CEP112: variants seen among roughly 807,000 people sequenced by gnomAD.
CEP112 encodes centrosomal protein of 112 kDa.
A neutral mutation model predicts 153.0 loss-of-function variants in CEP112; 127 were observed. The ratio of observed to expected loss-of-function variants is 0.83; its 90% confidence interval spans 0.72 to 0.96. CEP112 has a LOEUF of 0.96. Among genes scored for constraint, CEP112 ranks in the 40% least tolerant of loss-of-function variants. The pLI, the probability that CEP112 is intolerant of heterozygous loss-of-function variation, is 0.00. For synonymous variants in CEP112, 358 were observed against 374.4 expected, an observed-to-expected ratio of 0.96 and a Z score of 0.51; for missense variants, 1,089 against 1,101.2, an observed-to-expected ratio of 0.99 and a Z score of 0.16.
chr17:65,740,143 T>C lies in CEP112; in HGVS notation c.2607+2925A>G, dbSNP rs553611026. 1.1e-4 allele frequency among the ~76,000 whole-genome samples: 17 copies of C among 152,298 alleles called. No homozygotes were observed. In the South Asian group the frequency reaches 3.5e-3, roughly 32 times the overall value. On this transcript the variant is annotated intron_variant, in intron 23 of 26. Transcript: ENST00000535342. ...TGGGATGTGCATTTTCACTGAAAAA[T>C]ATCATGTGAACATTTTCAATATCCT...
intron 17 of CEP112, among the ~76,000 whole-genome samples, chr17:65,971,502 T>C (rs1463613456): frequency 1.3e-5 from 2 of 152,148 alleles, no homozygotes; most frequent in Non-Finnish European, 2.9e-5. Context: ...GTCATACATA[T>C]CACACATGCA....
chr17:65,701,241 G>A (rs1000888417), intron 23 of CEP112, among the ~76,000 whole-genome samples: 3 of 152,320 alleles, frequency 2.0e-5, no homozygotes, highest in East Asian at 1.9e-4. Context: ...GTCATGCAAC[G>A]AATGTGCCAG....
intron 19 of CEP112, among the ~76,000 whole-genome samples, chr17:65,911,029 G>C (rs2060264170): frequency 6.6e-6 from 1 of 152,180 alleles, no homozygotes; most frequent in African/African-American, 2.4e-5. Context: ...GGGGAAGAAA[G>C]GATGATCAAA....
intron 20 of CEP112, among the ~76,000 whole-genome samples, chr17:65,877,807 T>A (rs543010638): frequency 7.9e-5 from 12 of 152,306 alleles, no homozygotes; most frequent in Non-Finnish European, 7.4e-5. Flanking sequence ...TTAGTAGGCA[T>A]GAAATTATGT....
At chr17:65,847,896 G>T (rs929400475) in intron 21 of CEP112, among the ~76,000 whole-genome samples, 1 of 152,152 alleles carries the variant, frequency 6.6e-6, no homozygotes. Context: ...CTGGAAGAGG[G>T]TGACAGCAGC....
At chr17:65,852,550 T>A (rs897257430) in intron 20 of CEP112, among the ~76,000 whole-genome samples, 1 of 141,558 alleles carries the variant, frequency 7.1e-6, no homozygotes, top group Non-Finnish European at 1.5e-5. Flanking sequence ...CATTCCTTCC[T>A]AGCTCAGAGG....
At position 65,849,882 on chromosome 17, in the gene CEP112, G is replaced by A. The variant is rs565164471; in HGVS notation, c.2394+1922C>T. Among the ~76,000 whole-genome samples, 7 of 152,168 alleles carry A rather than the reference G, an allele frequency of 4.6e-5. No individual in the cohort carries two copies. The South Asian group carries it at 1.0e-3, about 23-fold the overall frequency. ...ATAAGAATATTTCCTGGCCTGGCGC[G>A]GTGGCTTACGCCTGTAATCCCAGTA... On this transcript the variant is annotated intron_variant, in intron 21 of 26. Coordinates refer to ENST00000535342, the MANE Select transcript of CEP112 (RefSeq NM_001199165.4).
intron 24 of CEP112, among the ~76,000 whole-genome samples, chr17:65,657,892 A>G (rs1227677262): frequency 6.6e-6 from 1 of 152,232 alleles, no homozygotes; most frequent in East Asian, 1.9e-4. Context: ...TTTAATGAGT[A>G]AAAGGCTGAA....
intron 8 of CEP112, among the ~76,000 whole-genome samples, chr17:66,085,794 T>C (rs761741038): frequency 2.6e-5 from 4 of 152,118 alleles, no homozygotes; most frequent in South Asian, 2.1e-4. Flanking sequence ...CTGACCAACC[T>C]GGTGAAACCC....
intron 16 of CEP112, among the ~76,000 whole-genome samples, chr17:66,024,770 T>C (rs1425686045): frequency 1.3e-4 from 20 of 152,088 alleles, no homozygotes; most frequent in Admixed American, 1.3e-3. Flanking sequence ...ACCAATATAA[T>C]TTTTCTCAGA....
chr17:66,088,413 C>G (rs772149307), intron 8 of CEP112, among the ~76,000 whole-genome samples: 1 of 152,118 alleles, frequency 6.6e-6, no homozygotes, highest in Non-Finnish European at 1.5e-5. Context: ...TCAGGCCTAC[C>G]CAGGAACCAG....
intron 3 of CEP112, among the ~76,000 whole-genome samples, chr17:66,176,263 C>T (rs1568580592): frequency 6.6e-6 from 1 of 152,158 alleles, no homozygotes; most frequent in Non-Finnish European, 1.5e-5. Flanking sequence ...AAATACCAAA[C>T]AAACCAAGGT....
chr17:65,677,516 A>G (rs1318306978), intron 24 of CEP112, among the ~76,000 whole-genome samples: 1 of 152,208 alleles, frequency 6.6e-6, no homozygotes, highest in Non-Finnish European at 1.5e-5. Flanking sequence ...TGGAACATAC[A>G]TTTAAATGGC....
chr17:65,779,888 C>A (rs1175898188), intron 21 of CEP112, among the ~76,000 whole-genome samples: 1 of 152,066 alleles, frequency 6.6e-6, no homozygotes, highest in Non-Finnish European at 1.5e-5. Context: ...TTTTCCTATA[C>A]TGGACCTACT....
intron 19 of CEP112, among the ~76,000 whole-genome samples, chr17:65,920,362 A>AATATATATATAT (rs55934550): frequency 0.01 from 433 of 42,584 alleles, 9 homozygotes; most frequent in East Asian, 0.014. Context: ...AAACAAACAA[A>AATATATATATAT]ATATATATAT....
At chr17:66,138,922 T>A (rs1217733742) in intron 4 of CEP112, among the ~76,000 whole-genome samples, 2 of 151,842 alleles carry the variant, frequency 1.3e-5, no homozygotes, top group African/African-American at 4.8e-5. Context: ...TTAGAAAACA[T>A]CTTGAGACAA....
At chr17:65,739,485 C>A (rs567115369) in intron 23 of CEP112, among the ~76,000 whole-genome samples, 2 of 152,276 alleles carry the variant, frequency 1.3e-5, no homozygotes, top group East Asian at 1.9e-4. Context: ...CCTGTAATCC[C>A]AGCACTTTGG....
chr17:66,081,383 T>C (rs1361043412), intron 8 of CEP112, among the ~76,000 whole-genome samples: 1 of 152,024 alleles, frequency 6.6e-6, no homozygotes, highest in Non-Finnish European at 1.5e-5. Flanking sequence ...TTACAAATGG[T>C]CAGACAGCAG....
chr17:65,989,320 T>C (rs1021486223), intron 17 of CEP112, among the ~76,000 whole-genome samples: 6 of 150,222 alleles, frequency 4.0e-5, no homozygotes, highest in South Asian at 2.1e-4. Context: ...CCTATAAACA[T>C]TGGGCACTCA....
Sources: gnomAD v4.1 joint callset for allele counts (sites outside exome capture counted in the v4.1 genomes callset) on GRCh38, gnomAD v4.1.1 for gene constraint, MANE v1.5 for transcripts, NCBI Gene and HGNC (gene_info 2026-07-23, HGNC 2026-07-21) for gene names.